PRKAB2: variants seen among roughly 807,000 people sequenced by gnomAD.
PRKAB2 encodes 5'-AMP-activated protein kinase subunit beta-2.
A neutral mutation model predicts 29.8 loss-of-function variants in PRKAB2; 18 were observed. The ratio of observed to expected loss-of-function variants is 0.60; its 90% CI spans 0.42 to 0.89. The LOEUF (loss-of-function observed/expected upper bound fraction) is 0.89, where lower values mean the gene tolerates loss of function less well. PRKAB2 is among the 40% of genes least tolerant of loss of function. The pLI is 0.00. For missense variants in PRKAB2, 270 were observed against 344.3 expected, an observed-to-expected ratio of 0.78 and a Z score of 1.71; for synonymous variants, 136 against 125.9, an observed-to-expected ratio of 1.08 and a Z score of -0.54.
At chr1:147,167,134 CCAA>C (rs1161689884) in intron 3 of PRKAB2, among the ~76,000 whole-genome samples, 195 bp from the exon 4 acceptor site, 67 of 152,252 alleles carry the variant, frequency 4.4e-4, no homozygotes, top group African/African-American at 1.5e-3. Flanking sequence ...CCAGCTCCTC[CCAA>C]CAACGTTAGT....
chr1:147,163,852 T>C (rs758696672), intron 5 of PRKAB2, among the ~76,000 whole-genome samples: 1 of 151,934 alleles, frequency 6.6e-6, no homozygotes, highest in South Asian at 2.1e-4. Context: ...AAATTACATC[T>C]CAAAAAAATG....
At chr1:147,165,472 TGAGA>T (rs1553913565) in intron 5 of PRKAB2, among the ~76,000 whole-genome samples, 3 of 152,180 alleles carry the variant, frequency 2.0e-5, no homozygotes. Context: ...CGAAAAAGGT[TGAGA>T]GATTTGTTCA....
intron 2 of PRKAB2, among the ~76,000 whole-genome samples, chr1:147,168,192 G>C (rs1232187503): frequency 6.6e-6 from 1 of 151,664 alleles, no homozygotes; most frequent in Non-Finnish European, 1.5e-5. Context: ...TACCCTTCCA[G>C]AGCCTTAGAC....
At chr1:147,163,940 T>C (rs1349742288) in intron 5 of PRKAB2, among the ~76,000 whole-genome samples, 4 of 152,090 alleles carry the variant, frequency 2.6e-5, no homozygotes, top group South Asian at 2.1e-4. Flanking sequence ...TTAAATGTTA[T>C]TGTTTCTTTT....
intron 2 of PRKAB2, among the ~76,000 whole-genome samples, chr1:147,171,053 T>C (rs1288854629): frequency 2.0e-5 from 3 of 152,212 alleles, no homozygotes; most frequent in Non-Finnish European, 4.4e-5. Flanking sequence ...GCCCTCCATT[T>C]TTCTATCTCA....
rs879974508 is a variant in PRKAB2 at position 147,157,674 on chromosome 1, A to C, written c.*1891T>G. 2 of 151,998 alleles carry C rather than the reference A, an allele frequency of 1.3e-5. No homozygotes were observed. Among genetic ancestry groups the C allele is most frequent in the East Asian group, 3.8e-4 (2 of 5,196 alleles). The allele number at this position is 151,998 out of a possible 1,614,324, so 9.4% of individuals were successfully genotyped here. On this transcript the variant is annotated 3_prime_UTR_variant, in exon 8 of 8. Coordinates refer to ENST00000254101, the MANE Select transcript of PRKAB2 (RefSeq NM_005399.5). ...CCACTTATTTAATGAGTATTGGATA[A>C]AAACAAAATTCTAGTACAACTGAAG...
chr1:147,160,205 C>T (rs1179943524), intron 7 of PRKAB2, among the ~76,000 whole-genome samples: 1 of 152,290 alleles, frequency 6.6e-6, no homozygotes, highest in South Asian at 2.1e-4. Context: ...AGGAATCCCT[C>T]TCTATCCTTG....
At chr1:147,167,987 A>G in intron 2 of PRKAB2, 54 bp from the exon 3 acceptor site, 1 of 1,550,864 alleles carries the variant, frequency 6.4e-7, no homozygotes, top group South Asian at 1.2e-5. Context: ...AGAATTCTAA[A>G]AAGGTCACTC....
chr1:147,166,436 C>T, intron 5 of PRKAB2, 62 bp downstream of exon 5: 1 of 1,552,734 alleles, frequency 6.4e-7, no homozygotes, highest in Non-Finnish European at 8.8e-7. Flanking sequence ...CACACATAAA[C>T]AACTTTTAGG....
At chr1:147,170,654 A>T (rs1158801748) in intron 2 of PRKAB2, among the ~76,000 whole-genome samples, 2 of 151,966 alleles carry the variant, frequency 1.3e-5, no homozygotes, top group Non-Finnish European at 2.9e-5. Flanking sequence ...ATCTAAACTC[A>T]CTGCAACCAC....
intron 7 of PRKAB2, among the ~76,000 whole-genome samples, chr1:147,161,008 T>C (rs1021890904): frequency 6.6e-6 from 1 of 152,140 alleles, no homozygotes; most frequent in African/African-American, 2.4e-5. Context: ...CCATCCTAGA[T>C]GCACTTATTC....
chr1:147,159,585 G>A lies in PRKAB2; in HGVS notation c.799C>T (p.Leu267=), dbSNP rs781995789. The change falls in exon 8 of 8, where the codon CTG becomes TTG. Residue 267 remains leucine (L), a synonymous_variant. Coordinates refer to ENST00000254101, the MANE Select transcript of PRKAB2 (RefSeq NM_005399.5). ...TCCCTTCAAATGGGCTTGTATAGCA[G>A]AGTAGTAACATACTTCTTCTTGTAG... The part of the protein sequence containing the change: ...HRYKKKYVTT[L]LYKPI 6.2e-7 allele frequency: 1 copy of A among 1,613,536 alleles called. No homozygotes were observed. The highest frequency in any genetic ancestry group is 8.5e-7 in the Non-Finnish European group (1 of 1,179,638).
At position 147,155,500 on chromosome 1, in the gene PRKAB2, A is replaced by C. The variant is rs1653628715; in HGVS notation, c.*4065T>G. On this transcript the variant is annotated 3_prime_UTR_variant, in exon 8 of 8. Transcript: ENST00000254101. ...GTAGTGATTAGGACTAACCAACAAC[A>C]GTGAGCTTTGGCTGTCCTAAAACCA... 1 of 152,604 alleles carries C rather than the reference A, an allele frequency of 6.6e-6. No individual in the cohort carries two copies. The highest frequency in any genetic ancestry group is 1.5e-5 in the Non-Finnish European group (1 of 68,040). 9.5% of individuals were successfully genotyped at this position (152,604 alleles called of 1,614,324 possible). A position where few individuals can be genotyped will look rare whatever the true frequency, so the allele number is the denominator to read the frequency against.
chr1:147,163,022 C>T (rs1290097676), intron 5 of PRKAB2, among the ~76,000 whole-genome samples: 1 of 151,808 alleles, frequency 6.6e-6, no homozygotes, highest in Non-Finnish European at 1.5e-5. Context: ...TTCTTTTTTC[C>T]AGCCAAACAA....
intron 1 of PRKAB2, 75 bp from the exon 2 acceptor site, chr1:147,172,242 C>A (rs1654685520): frequency 7.1e-7 from 1 of 1,410,652 alleles, no homozygotes; most frequent in Non-Finnish European, 9.3e-7. Flanking sequence ...CCCGCCCCTG[C>A]GCCTCGGGAC....
In PRKAB2 at chr1:147,166,884, A is replaced by G; in HGVS notation, c.379T>C (p.Phe127Leu). 6.2e-7 allele frequency: 1 copy of G among 1,614,106 alleles called. No individual in the cohort carries two copies. Among genetic ancestry groups the G allele is most frequent in the East Asian group, 2.2e-5 (1 of 44,868 alleles). The change falls in exon 4 of 8, where the codon TTC becomes CTC. Residue 127 changes from phenylalanine to leucine, a missense_variant. Physicochemically the swap from Phe to Leu is conservative, Grantham distance 22. Coordinates refer to ENST00000254101, the MANE Select transcript of PRKAB2 (RefSeq NM_005399.5). Reference sequence around the variant, plus strand: ...TGAACCCACTGTCCATCCACAAAGAACTTGTATTGGTGCTCTCCCTCAGGG... The same window carrying G: ...TGAACCCACTGTCCATCCACAAAGAGCTTGTATTGGTGCTCTCCCTCAGGG... The part of the protein sequence containing the change: ...DLPEGEHQYK[F>L]FVDGQWVHDP...
At chr1:147,165,604 G>A (rs1654204594) in intron 5 of PRKAB2, among the ~76,000 whole-genome samples, 1 of 152,154 alleles carries the variant, frequency 6.6e-6, no homozygotes, top group Non-Finnish European at 1.5e-5. Flanking sequence ...TAACAAAATG[G>A]TAACTACAAG....
At chr1:147,166,708 T>C (rs1553913747) in intron 4 of PRKAB2, 90 bp from the exon 5 acceptor site, 4 of 1,576,394 alleles carry the variant, frequency 2.5e-6, no homozygotes, top group Non-Finnish European at 2.6e-6. Flanking sequence ...ATTTACACGA[T>C]TGTTCTCAGC....
At position 147,159,608 on chromosome 1, in the gene PRKAB2, T is replaced by C. The variant is rs1553912831; in HGVS notation, c.776A>G (p.Tyr259Cys). The stretch of plus-strand genomic sequence containing the variant: ...CAGAGTAGTAACATACTTCTTCTTG[T>C]AGCGATGGGTTGCGCTAAGGACCAT... ...SVMVLSATHR[Y>C]KKKYVTTLLY... The change falls in exon 8 of 8, where the codon TAC becomes TGC. Residue 259 changes from tyrosine to cysteine, a missense_variant. Physicochemically the swap from Tyr to Cys is radical, Grantham distance 194. Around this residue, in one of 2 missense-constraint regions of PRKAB2, gnomAD observed 42 missense variants for 88.8 expected, o/e 0.47. Coordinates refer to ENST00000254101, the MANE Select transcript of PRKAB2 (RefSeq NM_005399.5). 6.8e-6 allele frequency: 11 copies of C among 1,613,428 alleles called. No individual in the cohort carries two copies. The highest frequency in any genetic ancestry group is 1.3e-5 in the African/African-American group (1 of 74,876).
Sources: gnomAD v4.1 joint callset for allele counts (sites outside exome capture counted in the v4.1 genomes callset) on GRCh38, gnomAD v4.1.1 for gene constraint, gnomAD v4.1.1 regional missense constraint, MANE v1.5 for transcripts, NCBI Gene and HGNC (gene_info 2026-07-23, HGNC 2026-07-21) for gene names.